The following UNC79 variants were observed in gnomAD, a reference collection of about 807,000 sequenced individuals.
UNC79 encodes the protein unc-79 subunit of NALCN channel complex, also known as protein unc-79 homolog.
Under a neutral mutation model 283.1 loss-of-function variants are expected in UNC79, and 37 were observed. That is an observed-to-expected ratio of 0.13 (90% CI 0.10 to 0.17). The LOEUF is 0.17. Ranked by LOEUF, UNC79 falls within the 10% of genes least tolerant of loss-of-function variation. The pLI, the probability that UNC79 is intolerant of heterozygous loss-of-function variation, is 1.00. For missense variants in UNC79, 2,272 were observed against 3,211.1 expected, an observed-to-expected ratio of 0.71 and a Z score of 7.07; for synonymous variants, 1,107 against 1,200.2, an observed-to-expected ratio of 0.92 and a Z score of 1.61.
exon 32 of UNC79, chr14:93,637,286 A>G (rs1358512261): frequency 1.7e-5 from 28 of 1,613,254 alleles, no homozygotes; most frequent in Non-Finnish European, 2.3e-5. Context: ...AGGGACAGCC[A>G]TTGAGGATGA....
chr14:93,607,421 AG>A (rs1369538878), intron 26 of UNC79, among the ~76,000 whole-genome samples: 1 of 152,232 alleles, frequency 6.6e-6, no homozygotes, highest in Admixed American at 6.5e-5. Context: ...TGATTGCTTA[AG>A]GTCACATATG....
chr14:93,500,894 T>G (rs2059249338), intron 7 of UNC79, among the ~76,000 whole-genome samples: 1 of 152,222 alleles, frequency 6.6e-6, no homozygotes, highest in South Asian at 2.1e-4. Flanking sequence ...AGTATTGAAA[T>G]GGCACTATAA....
intron 1 of UNC79, among the ~76,000 whole-genome samples, chr14:93,385,801 T>A (rs992051519): frequency 6.6e-5 from 10 of 151,824 alleles, no homozygotes; most frequent in African/African-American, 2.4e-4. Flanking sequence ...AAAGATACTA[T>A]TGATTTTTGT....
chr14:93,359,238 A>G (rs2054170092), intron 1 of UNC79, among the ~76,000 whole-genome samples: 2 of 152,196 alleles, frequency 1.3e-5, no homozygotes. Flanking sequence ...CCTTGGTCTG[A>G]TGTAGAGGAA....
At chr14:93,544,070 A>G (rs2061493689) in intron 14 of UNC79, among the ~76,000 whole-genome samples, 2 of 152,190 alleles carry the variant, frequency 1.3e-5, no homozygotes, top group African/African-American at 4.8e-5. Flanking sequence ...TATTATGTCT[A>G]TTGGAATAGT....
intron 40 of UNC79, among the ~76,000 whole-genome samples, chr14:93,670,165 C>A (rs1278190655): frequency 6.6e-6 from 1 of 152,136 alleles, no homozygotes; most frequent in Non-Finnish European, 1.5e-5. Context: ...GTTATCAAGA[C>A]CAAAGACTTC....
chr14:93,374,827 G>A (rs1274780099), intron 1 of UNC79, among the ~76,000 whole-genome samples: 1 of 152,200 alleles, frequency 6.6e-6, no homozygotes, highest in Non-Finnish European at 1.5e-5. Context: ...GATTACGGGT[G>A]TGAGCCACCA....
upstream of UNC79, among the ~76,000 whole-genome samples, chr14:93,428,428 A>AT (rs1455101909): frequency 6.6e-6 from 1 of 152,220 alleles, no homozygotes; most frequent in Non-Finnish European, 1.5e-5. Flanking sequence ...AATAGAAGAA[A>AT]ACTAAGCAGG....
chr14:93,415,015 C>T (rs1399719873), intron 1 of UNC79, among the ~76,000 whole-genome samples: 1 of 152,154 alleles, frequency 6.6e-6, no homozygotes, highest in African/African-American at 2.4e-5. Context: ...CCTCTATTTC[C>T]TTCTCCTGCC....
intron 33 of UNC79, among the ~76,000 whole-genome samples, chr14:93,643,325 A>G (rs901576261): frequency 7.2e-5 from 11 of 152,170 alleles, no homozygotes; most frequent in African/African-American, 2.7e-4. Flanking sequence ...GGGGAACTGA[A>G]AGAACATTTT....
At chr14:93,647,674 C>T (rs1377924816) in intron 35 of UNC79, among the ~76,000 whole-genome samples, 2 of 152,136 alleles carry the variant, frequency 1.3e-5, no homozygotes, top group African/African-American at 2.4e-5. Context: ...TAGAGCCCTG[C>T]AGGTCATTTT....
rs923259903 is a variant in UNC79, at chr14:93,344,470, GAT to G, written c.-351+10950_-351+10951del. ...AAACCAGGGCTTTGAACACAGGCAG[GAT>G]ATTCCCTCTGGTTCTTATCTCTGGT... is the stretch of plus-strand genomic sequence containing the variant. On this transcript the variant is annotated intron_variant, in intron 1 of 49. Coordinates refer to the UNC79 transcript ENST00000256339. Among the ~76,000 whole-genome samples, 15 of 152,128 alleles carry G rather than the reference GAT, an allele frequency of 9.9e-5. 1 individual carries two copies.
At chr14:93,582,141 G>A in intron 19 of UNC79, 62 bp from the exon 20 acceptor site, 1 of 1,612,568 alleles carries the variant, frequency 6.2e-7, no homozygotes. Flanking sequence ...GCTGAGCTGA[G>A]CAAACCGTTC....
At chr14:93,335,780 A>T (rs2053565618) in intron 1 of UNC79, among the ~76,000 whole-genome samples, 1 of 152,254 alleles carries the variant, frequency 6.6e-6, no homozygotes, top group South Asian at 2.1e-4. Flanking sequence ...ACATCATTTG[A>T]ATACCTGGGC....
chr14:93,418,092 G>A lies in UNC79; in HGVS notation c.-350-49579G>A, dbSNP rs1389964623. Reference sequence around the variant, plus strand: ...TGCGTTCCTTTGGAGGAGGAGAGGTGCTCTGCTTTTTAGAGTTTCCAGTTT... The same window carrying A: ...TGCGTTCCTTTGGAGGAGGAGAGGTACTCTGCTTTTTAGAGTTTCCAGTTT... On this transcript the variant is annotated intron_variant, in intron 1 of 49. Coordinates refer to the UNC79 transcript ENST00000256339. Among the ~76,000 whole-genome samples, 5 of 151,806 alleles carry A rather than the reference G, an allele frequency of 3.3e-5. 1 individual carries two copies. Among genetic ancestry groups the A allele is most frequent in the Non-Finnish European group, 7.4e-5 (5 of 67,916 alleles).
chr14:93,454,268 C>T (rs1176490956), intron 1 of UNC79, among the ~76,000 whole-genome samples: 1 of 152,120 alleles, frequency 6.6e-6, no homozygotes, highest in Admixed American at 6.5e-5. Context: ...TAGTCTTGAA[C>T]TCCTGAGCTC....
chr14:93,493,901 ATTTTT>A lies in UNC79; in HGVS notation c.713-2495_713-2491del, dbSNP rs71129642. Among the ~76,000 whole-genome samples, 34 of 49,258 alleles carry A rather than the reference ATTTTT, an allele frequency of 6.9e-4. 1 individual carries two copies. The highest frequency in any genetic ancestry group is 2.5e-3 in the South Asian group (2 of 816). The allele number at this position is 49,258 out of a possible 152,430, so 32.3% of individuals were successfully genotyped here. ...TATATATATATATATATATATATAT[ATTTTT>A]TTTTTTTTTTTTTTGAGATAGAGTT... is the stretch of plus-strand genomic sequence containing the variant. On this transcript the variant is annotated intron_variant, in intron 5 of 48. Coordinates refer to ENST00000555664, the Ensembl canonical transcript of UNC79.
intron 12 of UNC79, 106 bp downstream of exon 12, chr14:93,538,324 GC>G (rs2061185625): frequency 8.6e-7 from 1 of 1,156,624 alleles, no homozygotes; most frequent in Non-Finnish European, 1.2e-6. Flanking sequence ...AATGCCCTTA[GC>G]CCAGATGCTC....
At chr14:93,607,940 CAGTA>C (rs770027631) in intron 26 of UNC79, among the ~76,000 whole-genome samples, 6 of 152,174 alleles carry the variant, frequency 3.9e-5, no homozygotes, top group Non-Finnish European at 7.3e-5. Flanking sequence ...CATTAAGATC[CAGTA>C]AGTCAGAGTA....
Sources: gnomAD v4.1 joint callset for allele counts (sites outside exome capture counted in the v4.1 genomes callset) on GRCh38, gnomAD v4.1.1 for gene constraint, MANE v1.5 for transcripts, NCBI Gene and HGNC (gene_info 2026-07-23, HGNC 2026-07-21) for gene names.